UNC5C: variants seen among roughly 807,000 people sequenced by gnomAD.
UNC5C encodes unc-5 netrin receptor C, also known as netrin receptor UNC5C.
UNC5C carries 47 observed loss-of-function variants against 99.8 expected under a neutral mutation model. The observed-to-expected ratio is 0.47, with a 90% CI of 0.37 to 0.60. The LOEUF (loss-of-function observed/expected upper bound fraction) is 0.60, where lower values mean the gene tolerates loss of function less well. UNC5C is among the 20% of genes least tolerant of loss of function. UNC5C has a pLI of 0.00. For synonymous variants in UNC5C, 487 were observed against 452.2 expected (o/e 1.08, Z -0.98); for missense variants, 1,062 against 1,165.9 (o/e 0.91, Z 1.30).
intron 1 of UNC5C, among the ~76,000 whole-genome samples, chr4:95,517,233 A>G (rs1157689627): frequency 6.6e-6 from 1 of 152,214 alleles, no homozygotes; most frequent in East Asian, 1.9e-4. Context: ...AATCCAACTC[A>G]GAAAATCCCT....
At chr4:95,198,195 G>T (rs994093006) in intron 12 of UNC5C, among the ~76,000 whole-genome samples, 2 of 151,962 alleles carry the variant, frequency 1.3e-5, no homozygotes, top group African/African-American at 4.8e-5. Flanking sequence ...CACCATGTTG[G>T]CCAGGCTGGT....
At chr4:95,536,082 A>ATATATATATTTTTT in intron 1 of UNC5C, among the ~76,000 whole-genome samples, 1 of 78,454 alleles carries the variant, frequency 1.3e-5, no homozygotes, top group East Asian at 2.8e-4. Flanking sequence ...ATATATATAT[A>ATATATATATTTTTT]TTTTTTTTTT....
chr4:95,187,127 G>A (rs1736863262), intron 12 of UNC5C, among the ~76,000 whole-genome samples: 1 of 152,164 alleles, frequency 6.6e-6, no homozygotes, highest in Non-Finnish European at 1.5e-5. Context: ...TGTCTAGTTA[G>A]CATAATAGAG....
At chr4:95,178,465 C>T (rs201095223) in intron 14 of UNC5C, among the ~76,000 whole-genome samples, 4 of 128,442 alleles carry the variant, frequency 3.1e-5, no homozygotes, top group Non-Finnish European at 6.7e-5. Flanking sequence ...ACATTTCTTT[C>T]TTTTTGGTGA....
At chr4:95,198,820 G>A (rs566323970) in intron 12 of UNC5C, among the ~76,000 whole-genome samples, 5 of 152,322 alleles carry the variant, frequency 3.3e-5, no homozygotes, top group Admixed American at 3.3e-4. Flanking sequence ...AGCAGGTGGA[G>A]CAATGGGAAA....
At chr4:95,289,029 T>C (rs1367250137) in intron 3 of UNC5C, among the ~76,000 whole-genome samples, 2 of 152,236 alleles carry the variant, frequency 1.3e-5, no homozygotes, top group Non-Finnish European at 2.9e-5. Flanking sequence ...ATCCTAGTTC[T>C]GTACTTACTG....
At chr4:95,430,470 T>C (rs1746605448) in intron 1 of UNC5C, among the ~76,000 whole-genome samples, 1 of 152,192 alleles carries the variant, frequency 6.6e-6, no homozygotes, top group East Asian at 1.9e-4. Context: ...CAATTACCTA[T>C]TAGAAAAGAA....
chr4:95,289,010 C>G (rs571699592), intron 3 of UNC5C, among the ~76,000 whole-genome samples: 1 of 152,168 alleles, frequency 6.6e-6, no homozygotes, highest in South Asian at 2.1e-4. Flanking sequence ...TCTGCTCTGC[C>G]ATAGTTTAAT....
intron 1 of UNC5C, among the ~76,000 whole-genome samples, chr4:95,448,783 A>G (rs186938390): frequency 7.6e-4 from 116 of 152,306 alleles, no homozygotes; most frequent in Admixed American, 1.4e-3. Context: ...TAAGTAATGG[A>G]TACACTCTCT....
intron 9 of UNC5C, among the ~76,000 whole-genome samples, chr4:95,216,904 C>A (rs1166627746): frequency 6.6e-6 from 1 of 152,164 alleles, no homozygotes; most frequent in Non-Finnish European, 1.5e-5. Flanking sequence ...GGTCCCTACC[C>A]CGAGTTTCTG....
At chr4:95,182,589 C>T (rs770441493) in intron 14 of UNC5C, among the ~76,000 whole-genome samples, 8 of 152,032 alleles carry the variant, frequency 5.3e-5, no homozygotes, top group African/African-American at 1.9e-4. Flanking sequence ...TCCATGTGCA[C>T]GCTCCTTAAA....
intron 9 of UNC5C, among the ~76,000 whole-genome samples, chr4:95,218,506 A>G (rs1738342996): frequency 6.6e-6 from 1 of 152,218 alleles, no homozygotes. Flanking sequence ...AAGTTAGGTT[A>G]ATAAATGAAG....
chr4:95,233,377 TC>T (rs1410540943), intron 7 of UNC5C, among the ~76,000 whole-genome samples: 1 of 152,180 alleles, frequency 6.6e-6, no homozygotes, highest in Non-Finnish European at 1.5e-5. Flanking sequence ...AATTCTAAGT[TC>T]AGATTTGAAC....
intron 1 of UNC5C, among the ~76,000 whole-genome samples, chr4:95,444,274 T>C (rs1191754282): frequency 1.3e-5 from 2 of 151,938 alleles, no homozygotes; most frequent in African/African-American, 4.8e-5. Context: ...ATCCCACTTA[T>C]AAAGTGGGGA....
rs1314792782 is a variant in UNC5C at position 95,162,967 on chromosome 4, A to T, written c.*6267T>A. On this transcript the variant is annotated 3_prime_UTR_variant, in exon 16 of 16. Transcript: ENST00000453304. ...TGCTGGGGATTTTTCTCTGACAAAC[A>T]TTGGTGTCTTCTTTACAAAGAGCAA... is the stretch of plus-strand genomic sequence containing the variant. 1 of 152,198 alleles carries T rather than the reference A, an allele frequency of 6.6e-6. No individual in the cohort carries two copies. Among genetic ancestry groups the T allele is most frequent in the Non-Finnish European group, 1.5e-5 (1 of 68,056 alleles). The allele number at this position is 152,198 out of a possible 1,614,324, so 9.4% of individuals were successfully genotyped here. A position where few individuals can be genotyped will look rare whatever the true frequency, so the allele number is the denominator to read the frequency against.
chr4:95,204,869 C>T (rs568680793), intron 11 of UNC5C, among the ~76,000 whole-genome samples: 2 of 152,330 alleles, frequency 1.3e-5, no homozygotes, highest in Admixed American at 1.3e-4. Flanking sequence ...GGCCTTGCAA[C>T]ATGATCTGAG....
intron 1 of UNC5C, among the ~76,000 whole-genome samples, chr4:95,443,076 G>T (rs1746997842): frequency 6.6e-6 from 1 of 152,088 alleles, no homozygotes; most frequent in African/African-American, 2.4e-5. Flanking sequence ...GACTGATTAA[G>T]GGAGGACTAG....
chr4:95,384,314 G>C (rs1018259318), intron 1 of UNC5C, among the ~76,000 whole-genome samples: 2 of 152,164 alleles, frequency 1.3e-5, no homozygotes, highest in Non-Finnish European at 2.9e-5. Flanking sequence ...TGGAGAGAGA[G>C]GTTGAAAATG....
At chr4:95,218,627 TC>T (rs1047038785) in intron 9 of UNC5C, among the ~76,000 whole-genome samples, 5 of 152,216 alleles carry the variant, frequency 3.3e-5, no homozygotes, top group Admixed American at 2.0e-4. Flanking sequence ...AATTAATTCG[TC>T]CTTTTAAAGT....
Sources: gnomAD v4.1 joint callset for allele counts (sites outside exome capture counted in the v4.1 genomes callset) on GRCh38, gnomAD v4.1.1 for gene constraint, MANE v1.5 for transcripts, NCBI Gene and HGNC (gene_info 2026-07-23, HGNC 2026-07-21) for gene names.